Variants in CLEC7A observed in about 807,000 individuals in gnomAD.
The protein encoded by CLEC7A is C-type lectin domain containing 7A.
CLEC7A carries 25 observed loss-of-function variants against 26.9 expected under a neutral mutation model. The observed-to-expected ratio is 0.93, with a 90% confidence interval of 0.68 to 1.30. CLEC7A has a LOEUF of 1.30. Among genes scored for constraint, CLEC7A ranks in the 50% most tolerant of loss-of-function variants. The pLI is 0.00. For synonymous variants in CLEC7A, 100 were observed against 99.5 expected (o/e 1.01, Z -0.03); for missense variants, 275 against 286.7 (o/e 0.96, Z 0.29).
At chr12:10,128,883 A>G (rs762416525) in intron 1 of CLEC7A, among the ~76,000 whole-genome samples, 4 of 152,220 alleles carry the variant, frequency 2.6e-5, no homozygotes, top group African/African-American at 4.8e-5. Flanking sequence ...AAGCAGAAGA[A>G]AGCAAACTCT....
chr12:10,123,402 G>GAA (rs1555161150), intron 4 of CLEC7A, 39 bp from the exon 5 acceptor site: 2 of 1,111,494 alleles, frequency 1.8e-6, no homozygotes, highest in East Asian at 2.4e-5. Flanking sequence ...TAAAGAGAGA[G>GAA]AGAGAGAGAG....
chr12:10,122,736 C>T (rs1428195295), intron 5 of CLEC7A, among the ~76,000 whole-genome samples: 4 of 152,070 alleles, frequency 2.6e-5, no homozygotes, highest in Middle Eastern at 3.2e-3. Flanking sequence ...AGTGATCCGC[C>T]CACCTGGGCC....
intron 4 of CLEC7A, among the ~76,000 whole-genome samples, chr12:10,124,083 T>C (rs1948194500): frequency 6.6e-6 from 1 of 152,204 alleles, no homozygotes. Flanking sequence ...AACTTAAAAA[T>C]AATTTAGTCC....
At chr12:10,129,953 C>A in intron 1 of CLEC7A, 27 bp downstream of exon 1, 1 of 1,306,944 alleles carries the variant, frequency 7.7e-7, no homozygotes. Flanking sequence ...GAGCTAAAGG[C>A]ACACATTAGA....
At chr12:10,124,276 G>T (rs948605195) in intron 4 of CLEC7A, among the ~76,000 whole-genome samples, 1 of 152,086 alleles carries the variant, frequency 6.6e-6, no homozygotes, top group African/African-American at 2.4e-5. Flanking sequence ...TTACTACTGG[G>T]TAAGACATTA....
intron 5 of CLEC7A, among the ~76,000 whole-genome samples, chr12:10,119,392 T>A (rs1948008368): frequency 6.6e-6 from 1 of 152,218 alleles, no homozygotes; most frequent in African/African-American, 2.4e-5. Context: ...CCAGCATTAT[T>A]CCTTAAAAAT....
At chr12:10,124,953 C>G in intron 4 of CLEC7A, 1 of 238,276 alleles carries the variant, frequency 4.2e-6, no homozygotes, top group South Asian at 5.5e-5. Flanking sequence ...AATCCCAACA[C>G]TGGGAGATCG....
At chr12:10,120,718 G>A (rs983121526) in intron 5 of CLEC7A, among the ~76,000 whole-genome samples, 6 of 149,894 alleles carry the variant, frequency 4.0e-5, no homozygotes, top group African/African-American at 9.8e-5. Context: ...GTGAGTCCCC[G>A]CGCCCGGCCC....
chr12:10,127,336 A>G (rs1263889579), intron 2 of CLEC7A: 4 of 1,545,540 alleles, frequency 2.6e-6, no homozygotes, highest in Non-Finnish European at 3.5e-6. Flanking sequence ...ATGTCCATTT[A>G]GTGAATTTAT....
chr12:10,122,603 A>G (rs945714814), intron 5 of CLEC7A, among the ~76,000 whole-genome samples: 2 of 150,892 alleles, frequency 1.3e-5, no homozygotes, highest in African/African-American at 2.5e-5. Flanking sequence ...GGTCCAAGCA[A>G]TTCTCCTGCC....
Position 10,118,478 on chromosome 12 carries a change from C to T in CLEC7A, c.724G>A (p.Glu242Lys). ...TCCTCTTACATTGAAAACTTCTTCT[C>T]ACAAATACTATATGAGGGCACACTA... ...LCSVPSYSIC[E>K]KKFSM The change falls in exon 6 of 6, where the codon GAG (glutamate) becomes AAG (lysine). Residue 242 changes from glutamate to lysine, a missense_variant. Coordinates refer to ENST00000304084, the MANE Select transcript of CLEC7A (RefSeq NM_197947.3). The T allele has an allele frequency of 6.2e-7, 1 of 1,611,028 alleles. No individual in the cohort carries two copies. The highest frequency in any genetic ancestry group is 8.5e-7 in the Non-Finnish European group (1 of 1,177,354).
intron 5 of CLEC7A, among the ~76,000 whole-genome samples, chr12:10,122,176 C>A (rs1948108191): frequency 6.7e-6 from 1 of 148,518 alleles, no homozygotes; most frequent in Non-Finnish European, 1.5e-5. Flanking sequence ...TGAAAAAACA[C>A]ACACAGGTGT....
upstream of CLEC7A, chr12:10,130,202 C>A: frequency 1.8e-6 from 1 of 550,480 alleles, no homozygotes; most frequent in Non-Finnish European, 3.3e-6. Flanking sequence ...TAGGTACTTA[C>A]CGGAGTTTAA....
rs779098896 is a variant in CLEC7A, at chr12:10,126,722, CAAT to C, written c.203-17_203-15del. On this transcript the variant is annotated splice_polypyrimidine_tract_variant and intron_variant, in intron 2 of 5. Coordinates refer to ENST00000304084, the MANE Select transcript of CLEC7A (RefSeq NM_197947.3). ...ATCTCCAAATAGCTTCACATACCAA[CAAT>C]AATAATAGTGACAGAAAAAATGTCA... 14 of 1,594,996 alleles carry C rather than the reference CAAT, an allele frequency of 8.8e-6. No homozygotes were observed. The highest frequency in any genetic ancestry group is 8.1e-5 in the African/African-American group (6 of 74,054).
chr12:10,121,332 G>A (rs1948078600), intron 5 of CLEC7A, among the ~76,000 whole-genome samples: 1 of 151,256 alleles, frequency 6.6e-6, no homozygotes, highest in Admixed American at 6.6e-5. Flanking sequence ...AGGAAAGAAA[G>A]GGGAAAAAAA....
Position 10,130,183 on chromosome 12 carries a change from C to A in CLEC7A, c.-101G>T. 1 of 626,798 alleles carries A rather than the reference C, an allele frequency of 1.6e-6. No individual in the cohort carries two copies. The highest frequency in any genetic ancestry group is 2.9e-6 in the Non-Finnish European group (1 of 348,434). 38.8% of individuals were successfully genotyped at this position (626,798 alleles called of 1,614,324 possible). On this transcript the variant is annotated 5_prime_UTR_variant, in exon 1 of 6. An upstream start codon of the reference 5' UTR is lost. Transcript: ENST00000304084. ...ACAAAAGAGAATCTCTGAGTCAAAT[C>A]ATGTGGGCTAGGTACTTACCGGAGT...
In CLEC7A at chr12:10,120,744, CT is replaced by C. The variant is rs1948057387; in HGVS notation, c.612-2155del. Among the ~76,000 whole-genome samples, 3 of 117,614 alleles carry C rather than the reference CT, an allele frequency of 2.6e-5. No homozygotes were observed. The South Asian group carries it at 9.5e-4, about 37-fold the overall frequency. 77.2% of individuals were successfully genotyped at this position (117,614 alleles called of 152,430 possible). A position where few individuals can be genotyped will look rare whatever the true frequency, so the allele number is the denominator to read the frequency against. On this transcript the variant is annotated intron_variant, in intron 5 of 5. Coordinates refer to ENST00000304084, the MANE Select transcript of CLEC7A (RefSeq NM_197947.3). ...CGCCCGGCCCAAGGGCTAGTTTTTT[CT>C]TTTTTCTTTTTCTTTTTTTTTTTTT...
chr12:10,122,555 A>G (rs1002799380), intron 5 of CLEC7A, among the ~76,000 whole-genome samples: 3 of 145,128 alleles, frequency 2.1e-5, no homozygotes, highest in East Asian at 2.0e-4. Flanking sequence ...CTGGAGTGCA[A>G]TGGTGCAATC....
chr12:10,123,394 AAG>A (rs748416724), intron 4 of CLEC7A, 31 bp from the exon 5 acceptor site: 14,869 of 1,006,256 alleles, frequency 0.015, no homozygotes, highest in Non-Finnish European at 0.016. Context: ...ATATATAATA[AAG>A]AGAGAGAGAG....
Sources: gnomAD v4.1 joint callset for allele counts (sites outside exome capture counted in the v4.1 genomes callset) on GRCh38, gnomAD v4.1.1 for gene constraint, MANE v1.5 for transcripts, NCBI Gene and HGNC (gene_info 2026-07-23, HGNC 2026-07-21) for gene names.